Variants in RSU1 observed in about 807,000 individuals in gnomAD.
The protein encoded by RSU1 is Ras suppressor protein 1.
Under a neutral mutation model 31.1 loss-of-function variants are expected in RSU1, and 26 were observed. The ratio of observed to expected loss-of-function variants is 0.84; its 90% CI spans 0.61 to 1.16. RSU1 has a LOEUF of 1.16. Among genes scored for constraint, RSU1 ranks in the 50% most tolerant of loss-of-function variants. The pLI, the probability that RSU1 is intolerant of heterozygous loss-of-function variation, is 0.00. For missense variants in RSU1, 320 were observed against 339.1 expected (o/e 0.94, Z 0.44); for synonymous variants, 164 against 136.3 (o/e 1.20, Z -1.41).
At chr10:16,775,580 G>A (rs760579028) in intron 3 of RSU1, among the ~76,000 whole-genome samples, 12 of 152,166 alleles carry the variant, frequency 7.9e-5, no homozygotes, top group South Asian at 2.1e-4. Flanking sequence ...GGCAGGACAC[G>A]TCTTCGACTT....
At position 16,785,459 on chromosome 10, in the gene RSU1, CAT is replaced by C. The variant is rs199948724; in HGVS notation, c.110-3377_110-3376del. Among the ~76,000 whole-genome samples the C allele has an allele frequency of 9.4e-3, 644 of 68,262 alleles. 1 individual carries two copies. The highest frequency in any genetic ancestry group is 0.042 in the African/African-American group (301 of 7,100). The allele number at this position is 68,262 out of a possible 152,430, so 44.8% of individuals were successfully genotyped here. On this transcript the variant is annotated intron_variant, in intron 2 of 8. Coordinates refer to ENST00000345264, the MANE Select transcript of RSU1 (RefSeq NM_012425.4). ...ATATATACACATATATACATATATA[CAT>C]ATATATATACACATATATACATATA...
intron 2 of RSU1, among the ~76,000 whole-genome samples, chr10:16,798,501 G>A (rs2131668478): frequency 6.6e-6 from 1 of 151,976 alleles, no homozygotes; most frequent in African/African-American, 2.4e-5. Flanking sequence ...TTTTATAAGG[G>A]GCTCTTCCCC....
intron 8 of RSU1, among the ~76,000 whole-genome samples, chr10:16,667,632 C>A (rs139620633): frequency 6.6e-6 from 1 of 152,118 alleles, no homozygotes; most frequent in East Asian, 1.9e-4. Context: ...GGATTACAGG[C>A]GTGCACCACC....
At chr10:16,704,192 T>C (rs1835849776) in intron 7 of RSU1, among the ~76,000 whole-genome samples, 1 of 152,228 alleles carries the variant, frequency 6.6e-6, no homozygotes. Flanking sequence ...TATCACAAGT[T>C]CTACAAAGGA....
chr10:16,674,296 A>G (rs1414058088), intron 8 of RSU1, among the ~76,000 whole-genome samples: 3 of 152,146 alleles, frequency 2.0e-5, no homozygotes, highest in Non-Finnish European at 4.4e-5. Context: ...CATCAGAGCA[A>G]CATTTATGGT....
In RSU1 at chr10:16,764,080, T is replaced by G. The variant is rs185718526; in HGVS notation, c.281+310A>C. Among the ~76,000 whole-genome samples, 565 of 152,328 alleles carry G rather than the reference T, an allele frequency of 3.7e-3. 4 individuals are homozygous for G. Among genetic ancestry groups the G allele is most frequent in the African/African-American group, 0.013 (542 of 41,578 alleles). ...ATATTACCACTTGTCCGCCAGTTCA[T>G]GCTATGCAAATAAGTCCCTTCTCGG... On this transcript the variant is annotated intron_variant, in intron 4 of 8. Transcript: ENST00000345264.
intron 2 of RSU1, among the ~76,000 whole-genome samples, chr10:16,798,137 T>C (rs562902746): frequency 3.9e-4 from 59 of 152,082 alleles, no homozygotes; most frequent in African/African-American, 7.5e-4. Flanking sequence ...GCTGGGATTA[T>C]AGGCATGAGG....
chr10:16,667,461 T>C lies in RSU1; in HGVS notation c.731+27562A>G, dbSNP rs142748763. Among the ~76,000 whole-genome samples, 13 of 152,294 alleles carry C rather than the reference T, an allele frequency of 8.5e-5. No individual in the cohort carries two copies. The East Asian group carries it at 1.7e-3, about 20-fold the overall frequency. ...ACTAGGGTACAATTAAATAGTACCA[T>C]AAAATATGCCATTAACTCTATTATT... On this transcript the variant is annotated intron_variant, in intron 8 of 8. Coordinates refer to ENST00000345264, the MANE Select transcript of RSU1 (RefSeq NM_012425.4).
At chr10:16,723,233 C>T (rs938643224) in intron 7 of RSU1, 1 of 152,072 alleles carries the variant, frequency 6.6e-6, no homozygotes, top group Non-Finnish European at 1.5e-5. Context: ...TACAGTCAGA[C>T]ATAAAGGTTA....
At position 16,817,409 on chromosome 10, in the gene RSU1, ACAGCGAACACG is replaced by A. The variant is rs1838569674; in HGVS notation, c.-109_-99del. The A allele has an allele frequency of 1.1e-5, 3 of 277,146 alleles. No individual in the cohort carries two copies. Among genetic ancestry groups the A allele is most frequent in the African/African-American group, 2.2e-5 (1 of 45,306 alleles). 17.2% of individuals were successfully genotyped at this position (277,146 alleles called of 1,614,324 possible). On this transcript the variant is annotated 5_prime_UTR_variant, in exon 1 of 9. Coordinates refer to ENST00000345264, the MANE Select transcript of RSU1 (RefSeq NM_012425.4). Reference sequence around the variant, plus strand: ...TCACTCCCTGCAACACCGGCACTGAACAGCGAACACGCCCTGTCTCGGCGCCCCGCGCAGGC... The same window carrying A: ...TCACTCCCTGCAACACCGGCACTGAACCCTGTCTCGGCGCCCCGCGCAGGC...
intron 8 of RSU1, among the ~76,000 whole-genome samples, chr10:16,645,188 A>C (rs1834514605): frequency 6.6e-6 from 1 of 152,208 alleles, no homozygotes; most frequent in Admixed American, 6.5e-5. Context: ...AACATAAATA[A>C]GGATTTGGGC....
In RSU1 at chr10:16,776,926, A is replaced by AT. The variant is rs997799798; in HGVS notation, c.160+5107dup. ...AAGGTCATATTTTTATTTTTTTTTA[A>AT]TTTTTTTTTTGAGATAGGGTCTTGC... On this transcript the variant is annotated intron_variant, in intron 3 of 8. Coordinates refer to ENST00000345264, the MANE Select transcript of RSU1 (RefSeq NM_012425.4). 7.0e-3 allele frequency among the ~76,000 whole-genome samples: 1,043 copies of AT among 149,308 alleles called. 10 individuals carry two copies. The highest frequency in any genetic ancestry group is 0.024 in the African/African-American group (974 of 40,814).
chr10:16,633,492 C>G (rs1276067037), intron 8 of RSU1, among the ~76,000 whole-genome samples: 1 of 152,040 alleles, frequency 6.6e-6, no homozygotes, highest in Non-Finnish European at 1.5e-5. Flanking sequence ...TTACCCCAAG[C>G]TAGCTTTAGT....
chr10:16,622,115 T>C (rs1834080792), intron 8 of RSU1, among the ~76,000 whole-genome samples: 2 of 152,076 alleles, frequency 1.3e-5, no homozygotes, highest in Admixed American at 1.3e-4. Context: ...CCCACAAAAA[T>C]TAAAATTTTA....
intron 7 of RSU1, among the ~76,000 whole-genome samples, chr10:16,704,747 T>C (rs1249344391): frequency 6.6e-6 from 1 of 152,250 alleles, no homozygotes; most frequent in Admixed American, 6.5e-5. Context: ...ACACTTTCTT[T>C]TCTTTTTGAT....
At chr10:16,698,281 C>T (rs1376605205) in intron 7 of RSU1, among the ~76,000 whole-genome samples, 2 of 151,962 alleles carry the variant, frequency 1.3e-5, no homozygotes, top group East Asian at 1.9e-4. Flanking sequence ...AAGCCTTGCT[C>T]GATCATCCGA....
chr10:16,812,676 T>C (rs1341042116), intron 2 of RSU1, among the ~76,000 whole-genome samples: 1 of 152,082 alleles, frequency 6.6e-6, no homozygotes, highest in Non-Finnish European at 1.5e-5. Context: ...CAGGTTGTTT[T>C]CGAGATTTAT....
At chr10:16,709,548 C>G (rs1267725663) in intron 7 of RSU1, among the ~76,000 whole-genome samples, 1 of 152,176 alleles carries the variant, frequency 6.6e-6, no homozygotes, top group Non-Finnish European at 1.5e-5. Flanking sequence ...ATTTCTAGTT[C>G]TAGATCCCTG....
intron 8 of RSU1, among the ~76,000 whole-genome samples, chr10:16,675,200 C>CAAAAA (rs4012468): frequency 1.0e-5 from 1 of 95,464 alleles, no homozygotes; most frequent in Non-Finnish European, 2.0e-5. Flanking sequence ...GACTCTGTCT[C>CAAAAA]AAAAAAAAAA....
Sources: gnomAD v4.1 joint callset for allele counts (sites outside exome capture counted in the v4.1 genomes callset) on GRCh38, gnomAD v4.1.1 for gene constraint, MANE v1.5 for transcripts, NCBI Gene and HGNC (gene_info 2026-07-23, HGNC 2026-07-21) for gene names.